NRXN3: variants seen among roughly 807,000 people sequenced by gnomAD.
The protein encoded by NRXN3 is neurexin III.
A neutral mutation model predicts 137.6 loss-of-function variants in NRXN3; 32 were observed. That is an observed-to-expected ratio of 0.23 (90% CI 0.18 to 0.31). NRXN3 has a LOEUF of 0.31. NRXN3 is among the 10% of genes least tolerant of loss of function. NRXN3 has a pLI of 1.00. For synonymous variants in NRXN3, 798 were observed against 784.5 expected (o/e 1.02, Z -0.29); for missense variants, 1,574 against 2,062.5 (o/e 0.76, Z 4.59).
chr14:78,316,989 C>A (rs9805887), intron 4 of NRXN3, among the ~76,000 whole-genome samples: 104,189 of 152,002 alleles, frequency 0.69, 36,104 homozygotes, highest in Middle Eastern at 0.81. Flanking sequence ...GATATATATG[C>A]ACATGATGAT....
chr14:78,744,053 A>G (rs2098595283), intron 8 of NRXN3, among the ~76,000 whole-genome samples: 1 of 152,192 alleles, frequency 6.6e-6, no homozygotes, highest in Non-Finnish European at 1.5e-5. Context: ...CTTTACCAAC[A>G]AAGTAACAGA....
At chr14:78,521,236 G>T (rs571707669) in intron 4 of NRXN3, among the ~76,000 whole-genome samples, 36 of 152,108 alleles carry the variant, frequency 2.4e-4, no homozygotes, top group South Asian at 1.2e-3. Context: ...ATTCAGTCCT[G>T]TATATATTAA....
chr14:78,369,697 G>A (rs900356137), intron 4 of NRXN3, among the ~76,000 whole-genome samples: 2 of 152,124 alleles, frequency 1.3e-5, no homozygotes, highest in East Asian at 1.9e-4. Context: ...GGAAGTCAAG[G>A]TTACATTGAG....
intron 17 of NRXN3, among the ~76,000 whole-genome samples, chr14:79,678,213 G>T (rs1381004295): frequency 6.6e-6 from 1 of 152,098 alleles, no homozygotes; most frequent in African/African-American, 2.4e-5. Flanking sequence ...AAGAGTTTGA[G>T]CAGTTACTGT....
chr14:78,783,904 C>A (rs757103813), intron 8 of NRXN3, among the ~76,000 whole-genome samples: 1 of 151,940 alleles, frequency 6.6e-6, no homozygotes, highest in Non-Finnish European at 1.5e-5. Flanking sequence ...ATAGAGAAGA[C>A]GATGCTCAAA....
chr14:79,575,613 C>T (rs907796970), intron 16 of NRXN3, among the ~76,000 whole-genome samples: 1 of 152,052 alleles, frequency 6.6e-6, no homozygotes, highest in Non-Finnish European at 1.5e-5. Context: ...GAGTTTTTGC[C>T]TTAATTTTTT....
At chr14:79,192,128 C>A (rs947871365) in intron 15 of NRXN3, among the ~76,000 whole-genome samples, 1 of 152,158 alleles carries the variant, frequency 6.6e-6, no homozygotes, top group Non-Finnish European at 1.5e-5. Flanking sequence ...ACCTTGTGAT[C>A]TGCCCACCTC....
At chr14:78,913,282 T>C (rs1170642754) in intron 10 of NRXN3, among the ~76,000 whole-genome samples, 2 of 131,372 alleles carry the variant, frequency 1.5e-5, no homozygotes, top group East Asian at 2.3e-4. Flanking sequence ...TTCTTTTTTT[T>C]TTTTTTTTTT....
At chr14:79,292,236 C>A (rs1474414631) in intron 15 of NRXN3, among the ~76,000 whole-genome samples, 3 of 152,184 alleles carry the variant, frequency 2.0e-5, no homozygotes, top group African/African-American at 7.2e-5. Flanking sequence ...TGGAAACTCA[C>A]ACCAGTTCCA....
chr14:78,774,376 G>T (rs890574738), intron 8 of NRXN3, among the ~76,000 whole-genome samples: 6 of 152,292 alleles, frequency 3.9e-5, no homozygotes, highest in African/African-American at 1.4e-4. Context: ...ACTATATTCT[G>T]TAATATTCTG....
At chr14:78,320,143 C>T (rs2079153674) in intron 4 of NRXN3, among the ~76,000 whole-genome samples, 1 of 152,194 alleles carries the variant, frequency 6.6e-6, no homozygotes, top group South Asian at 2.1e-4. Flanking sequence ...GCTAGTTATT[C>T]AGTCTGCTCT....
chr14:78,751,473 T>C (rs995657268), intron 8 of NRXN3, among the ~76,000 whole-genome samples: 10 of 152,132 alleles, frequency 6.6e-5, no homozygotes, highest in Non-Finnish European at 1.2e-4. Context: ...CCCTCCTCCT[T>C]GCTCCCTATT....
chr14:79,363,851 A>G (rs2093778106), intron 15 of NRXN3, among the ~76,000 whole-genome samples: 1 of 152,198 alleles, frequency 6.6e-6, no homozygotes, highest in Non-Finnish European at 1.5e-5. Flanking sequence ...CGATATTGTG[A>G]TAAGAAATTT....
At chr14:79,498,492 T>A (rs1419376187) in intron 16 of NRXN3, among the ~76,000 whole-genome samples, 1 of 152,200 alleles carries the variant, frequency 6.6e-6, no homozygotes, top group Non-Finnish European at 1.5e-5. Flanking sequence ...ATGGAATTCT[T>A]GATCCCCCAA....
At chr14:78,175,585 C>T (rs950040155) in intron 1 of NRXN3, among the ~76,000 whole-genome samples, 5 of 152,106 alleles carry the variant, frequency 3.3e-5, no homozygotes, top group African/African-American at 4.8e-5. Flanking sequence ...AGAACTGTTG[C>T]GCTGCAGCTC....
chr14:79,326,142 G>A (rs531694693), intron 15 of NRXN3, among the ~76,000 whole-genome samples: 4 of 152,228 alleles, frequency 2.6e-5, no homozygotes, highest in African/African-American at 4.8e-5. Context: ...GTGCCACAGG[G>A]ATATGTTTTA....
rs199914539 is a variant in NRXN3, at chr14:79,861,528, G to C, written c.4280G>C (p.Gly1427Ala). ...GGGATGGTGCCCAAATTGCCAGCTG[G>C]CAAAATGAATAACCGTGATCTCAAA... ...SSGMVPKLPAGKMNNRDLKPQ... is the reference protein window; with the variant it reads ...SSGMVPKLPAAKMNNRDLKPQ... The change falls in exon 21 of 21, where the codon GGC becomes GCC. Residue 1427 changes from glycine to alanine, a missense_variant. Physicochemically the swap from Gly to Ala is moderately conservative, Grantham distance 60 (BLOSUM62 0). This residue lies in a region of NRXN3 where 320 missense variants were observed against 387.1 expected (regional missense o/e 0.83). Coordinates refer to ENST00000335750, the MANE Select transcript of NRXN3 (RefSeq NM_001330195.2). This position sits in a 1 kb window ranked among gnomAD's most constrained non-coding sequence, Gnocchi z 5.4. 8 of 1,546,772 alleles carry C rather than the reference G, an allele frequency of 5.2e-6. No homozygotes were observed. The highest frequency in any genetic ancestry group is 5.2e-6 in the Non-Finnish European group (6 of 1,149,454).
chr14:79,448,410 G>T (rs2096104027), intron 15 of NRXN3, among the ~76,000 whole-genome samples: 1 of 151,924 alleles, frequency 6.6e-6, no homozygotes, highest in South Asian at 2.1e-4. Context: ...TTTGTTTATT[G>T]TCTGCTATCA....
intron 15 of NRXN3, among the ~76,000 whole-genome samples, chr14:79,124,518 T>A (rs1055627927): frequency 6.6e-6 from 1 of 152,184 alleles, no homozygotes; most frequent in Non-Finnish European, 1.5e-5. Flanking sequence ...AGAATTAACT[T>A]CTACTCTCCC....
Sources: gnomAD v4.1 joint callset for allele counts (sites outside exome capture counted in the v4.1 genomes callset) on GRCh38, gnomAD v4.1.1 for gene constraint, gnomAD v4.1.1 regional missense constraint, Gnocchi (gnomAD v3.1) non-coding constraint, MANE v1.5 for transcripts, NCBI Gene and HGNC (gene_info 2026-07-23, HGNC 2026-07-21) for gene names.